The following NLRC5 variants were observed in gnomAD, a reference collection of about 807,000 sequenced individuals.
The protein encoded by NLRC5 is protein NLRC5.
In NLRC5, 114 loss-of-function variants were observed where a neutral mutation model predicts 206.9. The observed-to-expected ratio is 0.55, with a 90% CI of 0.47 to 0.64. The LOEUF (loss-of-function observed/expected upper bound fraction) is 0.64. Among genes scored for constraint, NLRC5 ranks in the 30% least tolerant of loss-of-function variants. The pLI, the probability that NLRC5 is intolerant of heterozygous loss-of-function variation, is 0.00. For missense variants in NLRC5, 2,008 were observed against 2,305.5 expected (o/e 0.87, Z 2.64); for synonymous variants, 952 against 962.8 (o/e 0.99, Z 0.21).
At chr16:57,047,928 G>A (rs1211902260) in intron 23 of NLRC5, 1 of 429,720 alleles carries the variant, frequency 2.3e-6, no homozygotes, top group East Asian at 3.9e-5. Flanking sequence ...CACCCCTGGA[G>A]CCTCACCAGG....
Position 57,059,512 on chromosome 16 carries a change from C to T in NLRC5, c.3966C>T (p.Asp1322=), listed in dbSNP as rs1311446444. Residue 1322 remains aspartate, a synonymous_variant, in exon 30 of 49, where the codon GAC becomes GAT. Coordinates refer to ENST00000688547, the MANE Select transcript of NLRC5 (RefSeq NM_001384950.1). ...QSFRIHFSRE[D]QAGKTLRLSE... ...TCCGGATTCACTTCTCCAGAGAGGA[C>T]CAGGCTGGGAAGACACTCAGGTAAT... 5 of 1,611,932 alleles carry T rather than the reference C, an allele frequency of 3.1e-6. No homozygotes were observed. The highest frequency in any genetic ancestry group is 3.4e-6 in the Non-Finnish European group (4 of 1,179,038).
intron 27 of NLRC5, among the ~76,000 whole-genome samples, chr16:57,055,735 C>T (rs539004629): frequency 7.9e-5 from 12 of 152,308 alleles, no homozygotes; most frequent in African/African-American, 2.6e-4. Context: ...GAGCTAGTTC[C>T]ATGGTGTGCC....
At chr16:56,997,165 C>T (rs1276510183) in intron 1 of NLRC5, among the ~76,000 whole-genome samples, 1 of 152,158 alleles carries the variant, frequency 6.6e-6, no homozygotes, top group East Asian at 1.9e-4. Flanking sequence ...AGCCACTGTG[C>T]CCGGCCAGCA....
intron 1 of NLRC5, among the ~76,000 whole-genome samples, chr16:57,012,706 G>GA (rs765508912): frequency 8.7e-4 from 133 of 152,086 alleles, no homozygotes; most frequent in Non-Finnish European, 2.9e-4. Context: ...CCCGTCCGGG[G>GA]AAAAAATGAT....
chr16:57,034,870 A>G (rs1365341145), intron 13 of NLRC5: 1 of 152,354 alleles, frequency 6.6e-6, no homozygotes, highest in Non-Finnish European at 1.5e-5. Flanking sequence ...GCGCCCCTCC[A>G]GGAAACCTCC....
chr16:57,034,062 G>T, intron 12 of NLRC5, 106 bp from the exon 13 acceptor site: 1 of 851,258 alleles, frequency 1.2e-6, no homozygotes, highest in South Asian at 1.6e-5. Context: ...GCTAGGATTA[G>T]ACCCAGGTCT....
intron 33 of NLRC5, among the ~76,000 whole-genome samples, chr16:57,066,052 C>T (rs1239729563): frequency 1.3e-5 from 2 of 152,156 alleles, no homozygotes; most frequent in Non-Finnish European, 2.9e-5. Flanking sequence ...GTCCTTGTGC[C>T]CCTCCCTCAG....
At chr16:57,077,920 T>C (rs746777721) in intron 42 of NLRC5, 23 bp from the exon 43 acceptor site, 2 of 1,612,922 alleles carry the variant, frequency 1.2e-6, no homozygotes, top group South Asian at 2.2e-5. Context: ...CAGTACTCAA[T>C]GCTCATTCCT....
chr16:57,066,642 G>T (rs1340219875), intron 34 of NLRC5, 28 bp downstream of exon 34: 9 of 1,596,208 alleles, frequency 5.6e-6, no homozygotes, highest in Non-Finnish European at 7.7e-6. Flanking sequence ...GGACCCCAAG[G>T]CAGGGGCTGG....
intron 1 of NLRC5, among the ~76,000 whole-genome samples, chr16:56,990,082 T>C (rs2056622613): frequency 6.6e-6 from 1 of 152,212 alleles, no homozygotes; most frequent in Non-Finnish European, 1.5e-5. Flanking sequence ...TCCAAACATA[T>C]ACAATAGTAG....
At chr16:57,024,395 C>T (rs975703535) in intron 5 of NLRC5, among the ~76,000 whole-genome samples, 10 of 152,228 alleles carry the variant, frequency 6.6e-5, no homozygotes, top group Non-Finnish European at 1.5e-4. Flanking sequence ...TAACTAGAGC[C>T]TTCTCTGCCC....
chr16:57,036,156 C>A lies in NLRC5; in HGVS notation c.2684C>A (p.Ser895Tyr). The A allele has an allele frequency of 6.2e-7, 1 of 1,613,526 alleles. No individual in the cohort carries two copies. The highest frequency in any genetic ancestry group is 8.5e-7 in the Non-Finnish European group (1 of 1,179,992). The change falls in exon 14 of 49, where the codon TCC becomes TAC. Residue 895 changes from serine (S) to tyrosine (Y), a missense_variant. Physicochemically the swap from Ser to Tyr is moderately radical, Grantham distance 144. Coordinates refer to ENST00000688547, the MANE Select transcript of NLRC5 (RefSeq NM_001384950.1). ...TGTCGGCTGATGGCAGAGGCTGCAT[C>A]CCAGCTGCACATCGCCAGGAAGCTG... ...EGCRLMAEAA[S>Y]QLHIARKLDL...
At chr16:57,042,087 GC>G in intron 19 of NLRC5, 22 bp downstream of exon 19, 1 of 1,463,214 alleles carries the variant, frequency 6.8e-7, no homozygotes, top group Non-Finnish European at 9.1e-7. Flanking sequence ...GCTAGGCAGA[GC>G]CTCTGAGGCT....
Position 57,047,141 on chromosome 16 carries a change from C to T in NLRC5, c.3339-404C>T, listed in dbSNP as rs199475994. 2.9e-4 allele frequency among the ~76,000 whole-genome samples: 44 copies of T among 152,226 alleles called. No individual in the cohort carries two copies. Among genetic ancestry groups the T allele is most frequent in the South Asian group, 2.5e-3 (12 of 4,820 alleles). ...TTAGCCCCAGGGCAATGGGGAGCCA[C>T]GGGGGTAACAGGGAGAGGCCTGGTC... On this transcript the variant is annotated intron_variant, in intron 22 of 48. Coordinates refer to ENST00000688547, the MANE Select transcript of NLRC5 (RefSeq NM_001384950.1).
chr16:57,082,639 C>A lies in NLRC5; in HGVS notation c.*111C>A. On this transcript the variant is annotated 3_prime_UTR_variant, in exon 49 of 49. Transcript: ENST00000688547. ...AGAAGAGCCTCGGCAGGGCGCTCTGCACTCCACCCAGGAGGAAGGATACGT... is the reference window on the plus strand; with the variant it reads ...AGAAGAGCCTCGGCAGGGCGCTCTGAACTCCACCCAGGAGGAAGGATACGT... 1.4e-6 allele frequency: 1 copy of A among 730,712 alleles called. No homozygotes were observed. The highest frequency in any genetic ancestry group is 2.3e-6 in the Non-Finnish European group (1 of 439,660). 45.3% of individuals were successfully genotyped at this position (730,712 alleles called of 1,614,324 possible).
rs2067189373 is a variant in NLRC5, at chr16:57,067,427, G to T, written c.4363G>T (p.Val1455Phe). 1 of 1,614,128 alleles carries T rather than the reference G, an allele frequency of 6.2e-7. No homozygotes were observed. The highest frequency in any genetic ancestry group is 1.7e-5 in the Admixed American group (1 of 60,014). Residue 1455 changes from valine (V) to phenylalanine (F), a missense_variant, in exon 35 of 49, where the codon GTC becomes TTC. By Grantham distance (50) the Val-to-Phe change is conservative. Transcript: ENST00000688547. Reference protein sequence around the residue: ...CDLGAHHSLLVGQLMETCARL... With the variant: ...CDLGAHHSLLFGQLMETCARL... ...CCTTGGAGCCCACCACAGCCTTCTT[G>T]TCGGGCAGCTGATGGAGACATGTGC...
rs201517792 is a variant in NLRC5 at position 57,031,480 on chromosome 16, C to T, written c.2477+17C>T. The T allele has an allele frequency of 4.3e-5, 69 of 1,613,218 alleles. No individual in the cohort carries two copies. The African/African-American group carries it at 7.0e-4, about 16-fold the overall frequency. ...GCTACAAAGGTAAGAAGCCAAGAGG[C>T]GGTGGGCCTGGGGCCATCCTTAGAA... On this transcript the variant is annotated intron_variant, in intron 11 of 48. Coordinates refer to ENST00000688547, the MANE Select transcript of NLRC5 (RefSeq NM_001384950.1).
intron 48 of NLRC5, among the ~76,000 whole-genome samples, chr16:57,082,000 C>G (rs1043971194): frequency 4.6e-5 from 7 of 152,238 alleles, no homozygotes; most frequent in African/African-American, 1.7e-4. Context: ...AGGTTGTGCA[C>G]TGCACAAGGG....
At chr16:57,081,445 T>C in intron 47 of NLRC5, 82 bp from the exon 48 acceptor site, 2 of 1,351,456 alleles carry the variant, frequency 1.5e-6, no homozygotes, top group African/African-American at 1.4e-5. Context: ...GACCTTGGCC[T>C]GAGGAAGGGA....
Sources: gnomAD v4.1 joint callset for allele counts (sites outside exome capture counted in the v4.1 genomes callset) on GRCh38, gnomAD v4.1.1 for gene constraint, MANE v1.5 for transcripts, NCBI Gene and HGNC (gene_info 2026-07-23, HGNC 2026-07-21) for gene names.